Variants in CELF4 observed in about 807,000 individuals in gnomAD.
The protein encoded by CELF4 is CUGBP Elav-like family member 4, also known as CUG-BP- and ETR-3-like factor 4.
Under a neutral mutation model 59.9 loss-of-function variants are expected in CELF4, and 18 were observed. That is an observed-to-expected ratio of 0.30 (90% confidence interval 0.21 to 0.45). The LOEUF (loss-of-function observed/expected upper bound fraction) is 0.45, where lower values mean the gene tolerates loss of function less well. Ranked by LOEUF, CELF4 falls within the 20% of genes least tolerant of loss-of-function variation. The probability of loss-of-function intolerance (pLI) is 1.00; values close to 1 mark genes in which losing one functional copy is unlikely to be tolerated. For synonymous variants in CELF4, 261 were observed against 267.1 expected (o/e 0.98, Z 0.22); for missense variants, 456 against 689.0 (o/e 0.66, Z 3.79).
At chr18:37,533,158 C>T (rs951570215) in intron 1 of CELF4, among the ~76,000 whole-genome samples, 6 of 152,362 alleles carry the variant, frequency 3.9e-5, no homozygotes, top group South Asian at 4.1e-4. Flanking sequence ...TGCGGGTACA[C>T]GGCTGCTTAC....
At chr18:37,283,786 G>A (rs2094425633) in intron 3 of CELF4, among the ~76,000 whole-genome samples, 1 of 151,630 alleles carries the variant, frequency 6.6e-6, no homozygotes, top group African/African-American at 2.4e-5. Context: ...GCCTGCGCTG[G>A]ACCCTGAATG....
At chr18:37,432,846 A>G (rs1176526885) in intron 2 of CELF4, among the ~76,000 whole-genome samples, 1 of 152,086 alleles carries the variant, frequency 6.6e-6, no homozygotes, top group African/African-American at 2.4e-5. Flanking sequence ...TTGAGCTCCT[A>G]CCTTGAATAA....
intron 2 of CELF4, among the ~76,000 whole-genome samples, chr18:37,470,887 T>TGTGTGTGAGAGAGAGAGAGAGA (rs1325788685): frequency 4.2e-5 from 3 of 71,928 alleles, no homozygotes; most frequent in African/African-American, 1.1e-4. Context: ...TGTGTGTGTG[T>TGTGTGTGAGAGAGAGAGAGAGA]GACAGAGAGA....
chr18:37,560,027 G>A (rs1461753462), intron 1 of CELF4, among the ~76,000 whole-genome samples: 1 of 152,180 alleles, frequency 6.6e-6, no homozygotes, highest in African/African-American at 2.4e-5. Context: ...GTGTTTGAGA[G>A]GCCACAAACA....
intron 3 of CELF4, among the ~76,000 whole-genome samples, chr18:37,308,259 C>T (rs1052205483): frequency 1.3e-5 from 2 of 152,184 alleles, no homozygotes; most frequent in African/African-American, 2.4e-5. Flanking sequence ...TCTTCTGGAA[C>T]TGCCTCCCCA....
intron 10 of CELF4, among the ~76,000 whole-genome samples, chr18:37,263,122 C>T (rs1310327173): frequency 6.6e-6 from 1 of 152,122 alleles, no homozygotes; most frequent in Admixed American, 6.5e-5. Context: ...CCGGCTTGGT[C>T]CTCACACCCC....
chr18:37,243,186 C>CTTTTTTTTTTTTTTTTTT lies in CELF4; in HGVS notation c.*2038_*2055dup, dbSNP rs561464294. The CTTTTTTTTTTTTTTTTTT allele has an allele frequency of 4.2e-4, 42 of 100,544 alleles. No individual in the cohort carries two copies. Among genetic ancestry groups the CTTTTTTTTTTTTTTTTTT allele is most frequent in the African/African-American group, 6.6e-4 (16 of 24,170 alleles). 6.2% of individuals were successfully genotyped at this position (100,544 alleles called of 1,614,324 possible). On this transcript the variant is annotated 3_prime_UTR_variant, in exon 13 of 13. Coordinates refer to ENST00000420428, the MANE Select transcript of CELF4 (RefSeq NM_020180.4). ...TGTTTTCTTTTTTTTTTCTTTTTTT[C>CTTTTTTTTTTTTTTTTTT]TTTTTTTTTTTTTTTTTTTTACATC...
intron 2 of CELF4, among the ~76,000 whole-genome samples, chr18:37,424,838 T>C (rs1416607178): frequency 6.6e-6 from 1 of 152,104 alleles, no homozygotes; most frequent in Non-Finnish European, 1.5e-5. Flanking sequence ...GTCCAGGGGA[T>C]TGGGCTCCAC....
intron 3 of CELF4, among the ~76,000 whole-genome samples, chr18:37,278,331 G>A (rs1004771377): frequency 6.6e-6 from 1 of 152,172 alleles, no homozygotes; most frequent in Non-Finnish European, 1.5e-5. Context: ...GTCATGGATT[G>A]ACCACAACCA....
Position 37,532,032 on chromosome 18 carries a change from A to C in CELF4, c.286+33324T>G, listed in dbSNP as rs531746853. 1.1e-4 allele frequency among the ~76,000 whole-genome samples: 17 copies of C among 152,318 alleles called. 1 individual carries two copies. The South Asian group carries it at 3.5e-3, about 32-fold the overall frequency. ...GCACATTACTTGGCCTTGGGTCCAG[A>C]CACTTGATGATTCATGCTAGCTCCC... On this transcript the variant is annotated intron_variant, in intron 1 of 12. Coordinates refer to ENST00000420428, the MANE Select transcript of CELF4 (RefSeq NM_020180.4).
intron 1 of CELF4, among the ~76,000 whole-genome samples, chr18:37,510,214 A>G (rs2099942658): frequency 6.6e-6 from 1 of 152,176 alleles, no homozygotes; most frequent in Non-Finnish European, 1.5e-5. Flanking sequence ...AAAGCACAAC[A>G]ACTTTACCCT....
intron 2 of CELF4, among the ~76,000 whole-genome samples, chr18:37,464,205 GAC>G (rs1485831387): frequency 1.3e-5 from 2 of 152,240 alleles, no homozygotes; most frequent in African/African-American, 4.8e-5. Flanking sequence ...TGGTGAGAGA[GAC>G]AATTAGTTTT....
At chr18:37,469,905 A>C (rs1303135461) in intron 2 of CELF4, among the ~76,000 whole-genome samples, 1 of 152,164 alleles carries the variant, frequency 6.6e-6, no homozygotes, top group Non-Finnish European at 1.5e-5. Context: ...GAGAGTACTA[A>C]GGGGCATCAG....
chr18:37,504,394 CAGTGAGCCGAGATCACGCCACT>C (rs1424688958), intron 1 of CELF4, among the ~76,000 whole-genome samples: 2 of 143,472 alleles, frequency 1.4e-5, no homozygotes, highest in Admixed American at 1.5e-4. Flanking sequence ...GGAGAGGTTG[CAGTGAGCCGAGATCACGCCACT>C]TCACTCCAGC....
chr18:37,536,079 G>A (rs1231679228), intron 1 of CELF4, among the ~76,000 whole-genome samples: 1 of 152,096 alleles, frequency 6.6e-6, no homozygotes, highest in Non-Finnish European at 1.5e-5. Flanking sequence ...ATGCTCCTCT[G>A]GAACCACTTG....
chr18:37,302,320 T>C (rs2096106921), intron 3 of CELF4, among the ~76,000 whole-genome samples: 1 of 152,114 alleles, frequency 6.6e-6, no homozygotes, highest in South Asian at 2.1e-4. Flanking sequence ...CCTGTCTGTA[T>C]CCACACAACT....
At chr18:37,376,586 C>T (rs1002393512) in intron 2 of CELF4, among the ~76,000 whole-genome samples, 6 of 152,222 alleles carry the variant, frequency 3.9e-5, no homozygotes, top group East Asian at 1.9e-4. Context: ...CCAGGAAGGC[C>T]CCCCTCCATT....
At chr18:37,311,908 G>A (rs1455641913) in intron 3 of CELF4, among the ~76,000 whole-genome samples, 1 of 151,294 alleles carries the variant, frequency 6.6e-6, no homozygotes, top group Admixed American at 6.6e-5. Flanking sequence ...TCAGGAGATC[G>A]AGACCATCCT....
At chr18:37,420,037 G>A (rs538463745) in intron 2 of CELF4, among the ~76,000 whole-genome samples, 1 of 152,316 alleles carries the variant, frequency 6.6e-6, no homozygotes, top group East Asian at 1.9e-4. Flanking sequence ...TGATCCACAT[G>A]CTTTTGACAC....
Sources: gnomAD v4.1 joint callset for allele counts (sites outside exome capture counted in the v4.1 genomes callset) on GRCh38, gnomAD v4.1.1 for gene constraint, MANE v1.5 for transcripts, NCBI Gene and HGNC (gene_info 2026-07-23, HGNC 2026-07-21) for gene names.